Variants in NADK2 observed in about 807,000 individuals in gnomAD.
NADK2 encodes the protein NAD kinase 2, mitochondrial, also known as NAD kinase domain-containing protein 1, mitochondrial.
In NADK2, 35 loss-of-function variants were observed where a neutral mutation model predicts 62.1. The observed-to-expected ratio is 0.56, with a 90% confidence interval of 0.43 to 0.75. The LOEUF is 0.75. Ranked by LOEUF, NADK2 falls within the 30% of genes least tolerant of loss-of-function variation. The pLI is 0.00. For synonymous variants in NADK2, 205 were observed against 207.9 expected (o/e 0.99, Z 0.12); for missense variants, 439 against 561.3 (o/e 0.78, Z 2.20).
intron 10 of NADK2, among the ~76,000 whole-genome samples, chr5:36,199,807 G>A (rs149561494): frequency 2.0e-5 from 3 of 152,080 alleles, no homozygotes; most frequent in East Asian, 1.9e-4. Context: ...TACAGGAATC[G>A]TGAGGTAATC....
intron 7 of NADK2, chr5:36,208,475 A>G (rs1396549614): frequency 1.3e-5 from 8 of 598,182 alleles, no homozygotes; most frequent in Non-Finnish European, 2.0e-5. Flanking sequence ...AGGCAGAGAG[A>G]AAGACAAGTA....
intron 8 of NADK2, among the ~76,000 whole-genome samples, chr5:36,204,581 A>T (rs1746566000): frequency 1.3e-5 from 2 of 152,116 alleles, no homozygotes; most frequent in Admixed American, 6.6e-5. Context: ...AATCTATAAG[A>T]TGGTTACAAA....
chr5:36,226,514 C>T lies in NADK2; in HGVS notation c.439G>A (p.Glu147Lys). Residue 147 changes from glutamate to lysine, a missense_variant, in exon 3 of 12, where the codon GAG becomes AAG. Transcript: ENST00000381937. ...ACAGCATCTGCCCATCGAACAGTCT[C>T]TTCATCATATTCTCTCCTCTTTACT... ...RLVKRREYDE[E>K]TVRWADAVIA... 1 of 1,613,208 alleles carries T rather than the reference C, an allele frequency of 6.2e-7. No individual in the cohort carries two copies. The highest frequency in any genetic ancestry group is 8.5e-7 in the Non-Finnish European group (1 of 1,179,562).
chr5:36,197,778 G>T, intron 10 of NADK2, 114 bp from the exon 11 acceptor site: 1 of 908,256 alleles, frequency 1.1e-6, no homozygotes, highest in Non-Finnish European at 1.5e-6. Flanking sequence ...GTATATTTGG[G>T]AACAAGTTTC....
At chr5:36,218,450 G>C (rs370063565) in intron 5 of NADK2, among the ~76,000 whole-genome samples, 2 of 152,092 alleles carry the variant, frequency 1.3e-5, no homozygotes, top group Non-Finnish European at 2.9e-5. Flanking sequence ...TCAATGTATC[G>C]AAAGTCAATG....
rs1267887418 is a variant in NADK2 at position 36,226,466 on chromosome 5, AATT to A, written c.478+6_478+8del. 2 of 1,605,272 alleles carry A rather than the reference AATT, an allele frequency of 1.2e-6. No homozygotes were observed. Among genetic ancestry groups the A allele is most frequent in the African/African-American group, 1.3e-5 (1 of 74,738 alleles). ...TATGCCAACATCTTTACTTCTGTCA[AATT>A]ATTACCTCCTGCAGCTATGACAGCA... On this transcript the variant is annotated splice_donor_region_variant and intron_variant, in intron 3 of 11. Coordinates refer to ENST00000381937, the MANE Select transcript of NADK2 (RefSeq NM_001085411.3).
At chr5:36,207,900 AAATGGGTTTTCTG>A (rs547568631) in intron 7 of NADK2, among the ~76,000 whole-genome samples, 1 of 152,126 alleles carries the variant, frequency 6.6e-6, no homozygotes, top group Non-Finnish European at 1.5e-5. Flanking sequence ...ATATGAAATC[AAATGGGTTTTCTG>A]GCACCAGCAA....
intron 4 of NADK2, among the ~76,000 whole-genome samples, chr5:36,224,219 T>G (rs775233228): frequency 6.6e-6 from 1 of 152,168 alleles, no homozygotes; most frequent in Non-Finnish European, 1.5e-5. Context: ...TTTCCCCAGA[T>G]GACCATAGCA....
rs1450962375 is a variant in NADK2, at chr5:36,201,146, G to A, written c.972C>T (p.Asn324=). Residue 324 remains asparagine (N), a synonymous_variant, in exon 9 of 12, where the codon AAC becomes AAT. Transcript: ENST00000381937. ...TGSKAWSFNI[N]RVATQAVEDV... ...CTTCTACAGCCTGAGTTGCAACCCT[G>A]TTAATATTGAATGACCTAGAAACAA... The A allele has an allele frequency of 4.3e-6, 7 of 1,611,872 alleles. No homozygotes were observed. The South Asian group carries it at 5.5e-5, about 13-fold the overall frequency.
At chr5:36,216,244 C>A (rs916707253) in intron 6 of NADK2, among the ~76,000 whole-genome samples, 3 of 151,990 alleles carry the variant, frequency 2.0e-5, no homozygotes, top group Non-Finnish European at 2.9e-5. Flanking sequence ...TTTTGAGAAA[C>A]TTCTATTCAG....
intron 6 of NADK2, chr5:36,212,867 T>C (rs944393942): frequency 7.2e-5 from 11 of 152,230 alleles, no homozygotes; most frequent in Non-Finnish European, 1.2e-4. Flanking sequence ...TGAATACATA[T>C]ACTCACACTC....
intron 1 of NADK2, among the ~76,000 whole-genome samples, chr5:36,239,128 T>C (rs1286650076): frequency 4.6e-5 from 7 of 152,194 alleles, no homozygotes; most frequent in Admixed American, 4.6e-4. Flanking sequence ...ACAGCAGCCA[T>C]GGTGAGACTC....
intron 5 of NADK2, among the ~76,000 whole-genome samples, chr5:36,219,263 T>C (rs1279938777): frequency 2.0e-5 from 3 of 152,172 alleles, no homozygotes; most frequent in Non-Finnish European, 4.4e-5. Context: ...CAGGCTGGAG[T>C]GCAGTGGCAT....
chr5:36,197,683 T>C lies in NADK2; in HGVS notation c.1067-19A>G, dbSNP rs746376753. On this transcript the variant is annotated intron_variant, in intron 10 of 11. Coordinates refer to ENST00000381937, the MANE Select transcript of NADK2 (RefSeq NM_001085411.3). ...TTTGTTACTACAAAGAAAAAAAAAT[T>C]AGCACACTCAATAAAAGATGGTCAC... The C allele has an allele frequency of 1.9e-5, 29 of 1,522,412 alleles. No individual in the cohort carries two copies. Among genetic ancestry groups the C allele is most frequent in the Non-Finnish European group, 2.5e-5 (28 of 1,140,476 alleles). 94.3% of individuals were successfully genotyped at this position (1,522,412 alleles called of 1,614,324 possible). A position where few individuals can be genotyped will look rare whatever the true frequency, so the allele number is the denominator to read the frequency against.
Position 36,200,252 on chromosome 5 carries a change from T to C in NADK2, c.1041A>G (p.Pro347=). The C allele has an allele frequency of 3.8e-6, 6 of 1,584,812 alleles. No homozygotes were observed. Among genetic ancestry groups the C allele is most frequent in the Non-Finnish European group, 5.2e-6 (6 of 1,164,770 alleles). The change falls in exon 10 of 12, where the codon CCA becomes CCG. Residue 347 remains proline, a synonymous_variant. Coordinates refer to ENST00000381937, the MANE Select transcript of NADK2 (RefSeq NM_001085411.3). The part of the protein sequence containing the change: ...IAKRQGNLSL[P]LNRELVEKVT... The stretch of plus-strand genomic sequence containing the variant: ...CTTTCTCTACCAATTCTCTGTTCAA[T>C]GGAAGACTCAAATTTCCTTGTCGTT...
chr5:36,235,381 A>G (rs530784632), intron 1 of NADK2, among the ~76,000 whole-genome samples: 25 of 152,324 alleles, frequency 1.6e-4, no homozygotes, highest in African/African-American at 5.5e-4. Context: ...GCTAAACTGG[A>G]ATTAGATTAT....
At position 36,211,780 on chromosome 5, in the gene NADK2, G is replaced by C. The variant is rs1746854587; in HGVS notation, c.860+64C>G. The C allele has an allele frequency of 2.9e-6, 4 of 1,361,738 alleles. No individual in the cohort carries two copies. In the Admixed American group the frequency reaches 7.4e-5, roughly 25 times the overall value. The allele number at this position is 1,361,738 out of a possible 1,614,324, so 84.4% of individuals were successfully genotyped here. A position where few individuals can be genotyped will look rare whatever the true frequency, so the allele number is the denominator to read the frequency against. The stretch of plus-strand genomic sequence containing the variant: ...AAATCTTAGCCAGGTTGTAGAAACT[G>C]AATAAATATCCAAAAGCACTAAAAC... On this transcript the variant is annotated intron_variant, in intron 7 of 11. Coordinates refer to ENST00000381937, the MANE Select transcript of NADK2 (RefSeq NM_001085411.3).
At chr5:36,207,143 T>A in intron 8 of NADK2, 27 bp downstream of exon 8, 1 of 1,572,760 alleles carries the variant, frequency 6.4e-7, no homozygotes, top group Non-Finnish European at 8.7e-7. Context: ...TCACAAAACT[T>A]GATAAGCAAC....
At chr5:36,212,576 T>C (rs994317630) in intron 6 of NADK2, among the ~76,000 whole-genome samples, 6 of 152,320 alleles carry the variant, frequency 3.9e-5, no homozygotes, top group South Asian at 2.1e-4. Flanking sequence ...TTGTTCAAAT[T>C]TGTGACTGTC....
Sources: gnomAD v4.1 joint callset for allele counts (sites outside exome capture counted in the v4.1 genomes callset) on GRCh38, gnomAD v4.1.1 for gene constraint, MANE v1.5 for transcripts, NCBI Gene and HGNC (gene_info 2026-07-23, HGNC 2026-07-21) for gene names.